The following CNTNAP2 variants were observed in gnomAD, a reference collection of about 807,000 sequenced individuals.
The protein encoded by CNTNAP2 is contactin associated protein 2, also known as contactin-associated protein-like 2.
Under a neutral mutation model 155.2 loss-of-function variants are expected in CNTNAP2, and 98 were observed. The observed-to-expected ratio is 0.63, with a 90% CI of 0.54 to 0.75. The LOEUF is 0.75. Ranked by LOEUF, CNTNAP2 falls within the 30% of genes least tolerant of loss-of-function variation. CNTNAP2 has a pLI of 0.00. For synonymous variants in CNTNAP2, 651 were observed against 631.2 expected (o/e 1.03, Z -0.47); for missense variants, 1,727 against 1,688.1 (o/e 1.02, Z -0.40).
At chr7:146,379,472 A>G (rs1426912961) in intron 1 of CNTNAP2, among the ~76,000 whole-genome samples, 1 of 152,196 alleles carries the variant, frequency 6.6e-6, no homozygotes. Flanking sequence ...ACTGAAGATG[A>G]GACTCTAGAA....
intron 1 of CNTNAP2, among the ~76,000 whole-genome samples, chr7:146,271,470 C>T (rs2129083394): frequency 6.6e-6 from 1 of 151,750 alleles, no homozygotes; most frequent in Admixed American, 6.6e-5. Flanking sequence ...TTCAAAGTCC[C>T]TAATAAAAAG....
At chr7:147,565,734 T>C (rs1047203761) in intron 12 of CNTNAP2, among the ~76,000 whole-genome samples, 4 of 152,122 alleles carry the variant, frequency 2.6e-5, no homozygotes, top group Admixed American at 2.6e-4. Flanking sequence ...TTTAGTGCCA[T>C]TTAGGAGAAG....
At chr7:146,785,626 G>C (rs982302145) in intron 2 of CNTNAP2, among the ~76,000 whole-genome samples, 1 of 152,286 alleles carries the variant, frequency 6.6e-6, no homozygotes, top group East Asian at 1.9e-4. Flanking sequence ...TTTGGTCACT[G>C]TCGTAGCCAA....
At chr7:147,935,319 G>T (rs1266669537) in intron 14 of CNTNAP2, among the ~76,000 whole-genome samples, 2 of 151,976 alleles carry the variant, frequency 1.3e-5, no homozygotes, top group Non-Finnish European at 2.9e-5. Context: ...TAGAGACGGG[G>T]TTTCACCATG....
intron 4 of CNTNAP2, chr7:147,081,489 T>TCACC: frequency 6.7e-6 from 1 of 148,936 alleles, no homozygotes; most frequent in Non-Finnish European, 1.5e-5. Flanking sequence ...CAATCTCAGC[T>TCACC]CACCACCTTC....
intron 15 of CNTNAP2, among the ~76,000 whole-genome samples, chr7:148,105,965 C>T (rs983436579): frequency 6.6e-6 from 1 of 152,134 alleles, no homozygotes; most frequent in Non-Finnish European, 1.5e-5. Context: ...GGAACAGAAC[C>T]AAGTTAGGAG....
intron 13 of CNTNAP2, among the ~76,000 whole-genome samples, chr7:147,772,582 A>G (rs1022635794): frequency 6.7e-6 from 1 of 149,926 alleles, no homozygotes; most frequent in Non-Finnish European, 1.5e-5. Context: ...CAGTACGTGA[A>G]TTGACTTCTA....
At chr7:147,120,126 G>T (rs1335784263) in intron 5 of CNTNAP2, among the ~76,000 whole-genome samples, 1 of 152,064 alleles carries the variant, frequency 6.6e-6, no homozygotes. Flanking sequence ...ATTAACAATT[G>T]CATATTGTTC....
intron 13 of CNTNAP2, chr7:147,896,976 C>T (rs1277368654): frequency 6.7e-6 from 1 of 150,212 alleles, no homozygotes; most frequent in Non-Finnish European, 1.5e-5. Context: ...AGATCTCTTT[C>T]ACTGTCTCAG....
At chr7:146,604,898 G>T (rs1799017352) in intron 1 of CNTNAP2, among the ~76,000 whole-genome samples, 1 of 132,392 alleles carries the variant, frequency 7.6e-6, no homozygotes. Flanking sequence ...CACAGGAAGG[G>T]GACTATCACA....
chr7:147,861,477 A>G (rs548234790), intron 13 of CNTNAP2, among the ~76,000 whole-genome samples: 14 of 152,310 alleles, frequency 9.2e-5, no homozygotes, highest in African/African-American at 3.4e-4. Flanking sequence ...ACATCCATTG[A>G]GTATTTACCA....
rs1422067021 is a variant in CNTNAP2 at position 147,656,401 on chromosome 7, CT to C, written c.2098+17099del. Among the ~76,000 whole-genome samples the C allele has an allele frequency of 2.6e-5, 4 of 152,274 alleles. No individual in the cohort carries two copies. In the East Asian group the frequency reaches 7.7e-4, roughly 29 times the overall value. On this transcript the variant is annotated intron_variant, in intron 13 of 23. Coordinates refer to ENST00000361727, the MANE Select transcript of CNTNAP2 (RefSeq NM_014141.6). Reference sequence around the variant, plus strand: ...CCTCACTAAGCTTAATGATGTCTAGCTTTTGATTTAAATTGAGCGATGTGTG... The same window carrying C: ...CCTCACTAAGCTTAATGATGTCTAGCTTTGATTTAAATTGAGCGATGTGTG...
intron 20 of CNTNAP2, among the ~76,000 whole-genome samples, chr7:148,230,706 C>G (rs78046087): frequency 0.044 from 6,740 of 152,190 alleles, 186 homozygotes; most frequent in South Asian, 0.076. Flanking sequence ...TTGCGCGTGG[C>G]CTTTAGCAGT....
chr7:147,910,474 G>A (rs144975050), intron 14 of CNTNAP2, among the ~76,000 whole-genome samples: 1,611 of 152,278 alleles, frequency 0.011, 83 homozygotes, highest in Admixed American at 0.089. Flanking sequence ...TTCAAACTCG[G>A]GGCAAGCAAC....
chr7:147,575,203 TATTCCCTA>T (rs1800368978), intron 12 of CNTNAP2, among the ~76,000 whole-genome samples: 1 of 26,850 alleles, frequency 3.7e-5, no homozygotes, highest in Non-Finnish European at 7.6e-5. Context: ...TGTGTGTGTG[TATTCCCTA>T]GCTTTAGGAG....
chr7:146,552,155 C>T (rs2129142915), intron 1 of CNTNAP2, among the ~76,000 whole-genome samples: 1 of 152,126 alleles, frequency 6.6e-6, no homozygotes, highest in East Asian at 1.9e-4. Flanking sequence ...ATTATATATT[C>T]ATTATAGCTT....
intron 3 of CNTNAP2, among the ~76,000 whole-genome samples, chr7:146,892,651 C>T (rs1283512202): frequency 2.6e-5 from 4 of 152,168 alleles, no homozygotes; most frequent in East Asian, 1.9e-4. Context: ...TGGCACATGC[C>T]TGTAATCCCA....
At chr7:146,145,479 C>T (rs1305474584) in intron 1 of CNTNAP2, among the ~76,000 whole-genome samples, 1 of 152,134 alleles carries the variant, frequency 6.6e-6, no homozygotes, top group Non-Finnish European at 1.5e-5. Flanking sequence ...GCAAGACATT[C>T]GGGAAAGGTA....
chr7:146,574,169 C>T (rs944406728), intron 1 of CNTNAP2, among the ~76,000 whole-genome samples: 1 of 148,040 alleles, frequency 6.8e-6, no homozygotes, highest in East Asian at 2.0e-4. Flanking sequence ...TAGAGTATTT[C>T]TCCTTAATCC....
Sources: gnomAD v4.1 joint callset for allele counts (sites outside exome capture counted in the v4.1 genomes callset) on GRCh38, gnomAD v4.1.1 for gene constraint, MANE v1.5 for transcripts, NCBI Gene and HGNC (gene_info 2026-07-23, HGNC 2026-07-21) for gene names.